Variants in ALMS1 observed in about 807,000 individuals in gnomAD.
The protein encoded by ALMS1 is ALMS1 centrosome and basal body associated protein.
In ALMS1, 271 loss-of-function variants were observed where a neutral mutation model predicts 352.2. The observed-to-expected ratio is 0.77, with a 90% CI of 0.70 to 0.85. The LOEUF is 0.85. Among genes scored for constraint, ALMS1 ranks in the 40% least tolerant of loss-of-function variants. The pLI, the probability that ALMS1 is intolerant of heterozygous loss-of-function variation, is 0.00. For synonymous variants in ALMS1, 1,865 were observed against 1,761.2 expected (o/e 1.06, Z -1.48); for missense variants, 5,445 against 4,870.7 (o/e 1.12, Z -3.51).
chr2:73,526,413 A>G (rs1673791941), intron 11 of ALMS1, among the ~76,000 whole-genome samples: 1 of 152,084 alleles, frequency 6.6e-6, no homozygotes, highest in Admixed American at 6.5e-5. Context: ...TGATTCTTCT[A>G]ATTCATGAAC....
At chr2:73,434,171 C>T in intron 7 of ALMS1, among the ~76,000 whole-genome samples, 1 of 149,934 alleles carries the variant, frequency 6.7e-6, no homozygotes, top group Non-Finnish European at 1.5e-5. Flanking sequence ...TTAGTTTGTG[C>T]TTTTATTCTG....
At chr2:73,584,458 G>A (rs1257325433) in intron 16 of ALMS1, among the ~76,000 whole-genome samples, 1 of 152,110 alleles carries the variant, frequency 6.6e-6, no homozygotes. Flanking sequence ...ATGTTCAGGA[G>A]TGATCATCTT....
At chr2:73,447,243 T>A (rs1419399461) in intron 7 of ALMS1, among the ~76,000 whole-genome samples, 1 of 152,204 alleles carries the variant, frequency 6.6e-6, no homozygotes, top group African/African-American at 2.4e-5. Flanking sequence ...AGAACATTTC[T>A]ATAGAAATGT....
chr2:73,609,710 T>G lies in ALMS1; in HGVS notation c.*98T>G. ...GAGTCTGGTTGAATAAAGCTTATTC[T>G]TTGTCCATGTGTATTTTAGAAATAG... On this transcript the variant is annotated 3_prime_UTR_variant, in exon 23 of 23. Transcript: ENST00000613296. 8.4e-7 allele frequency: 1 copy of G among 1,185,526 alleles called. No individual in the cohort carries two copies. The highest frequency in any genetic ancestry group is 2.0e-4 in the Middle Eastern group (1 of 5,126). The allele number at this position is 1,185,526 out of a possible 1,614,324, so 73.4% of individuals were successfully genotyped here.
At chr2:73,447,907 G>A (rs1572931080) in intron 7 of ALMS1, 53 bp from the exon 8 acceptor site, 2 of 1,515,210 alleles carry the variant, frequency 1.3e-6, no homozygotes, top group East Asian at 5.0e-5. Flanking sequence ...CCAGCACATA[G>A]AATTTTAAAA....
Position 73,573,427 on chromosome 2 carries a change from A to G in ALMS1, c.11547+3A>G, listed in dbSNP as rs1271250182. The G allele has an allele frequency of 1.2e-6, 2 of 1,613,960 alleles. No individual in the cohort carries two copies. The highest frequency in any genetic ancestry group is 8.5e-7 in the Non-Finnish European group (1 of 1,179,956). ...ACACCAGAAGGAGACACATCCAGGTACATGGCTACAGATTCCATCTGGCAA... is the reference window on the plus strand; with the variant it reads ...ACACCAGAAGGAGACACATCCAGGTGCATGGCTACAGATTCCATCTGGCAA... On this transcript the variant is annotated splice_donor_region_variant and intron_variant, in intron 16 of 22. Coordinates refer to ENST00000613296, the MANE Select transcript of ALMS1 (RefSeq NM_001378454.1).
At chr2:73,556,336 A>G (rs1445226028) in intron 13 of ALMS1, among the ~76,000 whole-genome samples, 1 of 152,188 alleles carries the variant, frequency 6.6e-6, no homozygotes, top group Non-Finnish European at 1.5e-5. Context: ...AGCAATCTCT[A>G]TTGCCTTTCT....
intron 10 of ALMS1, among the ~76,000 whole-genome samples, chr2:73,498,891 T>G (rs1031000056): frequency 3.3e-5 from 5 of 152,198 alleles, no homozygotes; most frequent in Non-Finnish European, 7.4e-5. Flanking sequence ...GCATTGAAAC[T>G]GTAGATTGCT....
intron 15 of ALMS1, among the ~76,000 whole-genome samples, chr2:73,562,377 T>C (rs1390816295): frequency 6.6e-6 from 1 of 152,094 alleles, no homozygotes; most frequent in Admixed American, 6.6e-5. Flanking sequence ...GAAAATTTTG[T>C]ATATAGTGTT....
At chr2:73,477,146 T>C (rs1201847137) in intron 9 of ALMS1, among the ~76,000 whole-genome samples, 1 of 152,134 alleles carries the variant, frequency 6.6e-6, no homozygotes. Flanking sequence ...ACTTTTACTT[T>C]TGTTGCCTTT....
chr2:73,440,688 G>C (rs902068964), intron 7 of ALMS1, among the ~76,000 whole-genome samples: 1 of 152,142 alleles, frequency 6.6e-6, no homozygotes, highest in Non-Finnish European at 1.5e-5. Context: ...GCCTCCCAAA[G>C]TGCTGGGATT....
chr2:73,411,284 C>T (rs944174338), intron 2 of ALMS1, among the ~76,000 whole-genome samples: 1 of 151,998 alleles, frequency 6.6e-6, no homozygotes, highest in Non-Finnish European at 1.5e-5. Flanking sequence ...ATGCCTGGGG[C>T]TTCCAGAAGG....
intron 9 of ALMS1, among the ~76,000 whole-genome samples, chr2:73,482,335 T>C (rs1368987424): frequency 2.0e-5 from 3 of 152,194 alleles, no homozygotes; most frequent in Non-Finnish European, 4.4e-5. Context: ...ATTGAGAAAA[T>C]CATGTGGTTT....
chr2:73,572,473 T>A lies in ALMS1; in HGVS notation c.10596T>A (p.Tyr3532Ter). Residue 3532 changes from tyrosine (Y) to a stop codon, truncating the protein, a stop_gained, in exon 16 of 23, where the codon TAT (tyrosine) becomes TAA (stop). Coordinates refer to ENST00000613296, the MANE Select transcript of ALMS1 (RefSeq NM_001378454.1). LOFTEE classifies it high-confidence loss of function. ...AACACATGTGTCTTCCTCTTCCTTA[T>A]CAAAACATGGACAAGACTAAGACAG... ...HREHMCLPLP[Y>*]QNMDKTKTDY... 1 of 1,613,920 alleles carries A rather than the reference T, an allele frequency of 6.2e-7. No individual in the cohort carries two copies. The highest frequency in any genetic ancestry group is 1.3e-5 in the African/African-American group (1 of 75,008).
chr2:73,546,384 G>T (rs995353827), intron 12 of ALMS1, among the ~76,000 whole-genome samples: 1 of 152,102 alleles, frequency 6.6e-6, no homozygotes, highest in South Asian at 2.1e-4. Context: ...ATGGGAAGCT[G>T]TCAGCTCACG....
At position 73,419,284 on chromosome 2, in the gene ALMS1, A is replaced by T. The variant is rs778840248; in HGVS notation, c.612A>T (p.Glu204Asp). Residue 204 changes from glutamate to aspartate, a missense_variant, in exon 3 of 23, where the codon GAA (glutamate) becomes GAT (aspartate). Physicochemically the swap from Glu to Asp is conservative, Grantham distance 45. Coordinates refer to ENST00000613296, the MANE Select transcript of ALMS1 (RefSeq NM_001378454.1). ...CGCAATCAGAAAATCAAGTAAAGGA[A>T]CCCAACAGAGATCTCTTCTGTTCTC... Reference protein sequence around the residue: ...ILTQSENQVKEPNRDLFCSPL... With the variant: ...ILTQSENQVKDPNRDLFCSPL... The T allele has an allele frequency of 6.2e-7, 1 of 1,613,946 alleles. No individual in the cohort carries two copies. Among genetic ancestry groups the T allele is most frequent in the African/African-American group, 1.3e-5 (1 of 74,920 alleles).
At chr2:73,539,352 A>G (rs926946286) in intron 12 of ALMS1, among the ~76,000 whole-genome samples, 1 of 152,200 alleles carries the variant, frequency 6.6e-6, no homozygotes, top group Admixed American at 6.5e-5. Context: ...CAGAAAGGAC[A>G]TCCACACCAA....
At chr2:73,458,190 T>C (rs1384642903) in intron 9 of ALMS1, 1 of 152,152 alleles carries the variant, frequency 6.6e-6, no homozygotes, top group Non-Finnish European at 1.5e-5. Context: ...CGAAATAGTG[T>C]TTGTCTAGAT....
At chr2:73,494,964 A>T (rs1053227128) in intron 10 of ALMS1, among the ~76,000 whole-genome samples, 3 of 150,690 alleles carry the variant, frequency 2.0e-5, no homozygotes, top group Non-Finnish European at 4.4e-5. Context: ...TATGTCTGTC[A>T]TCTCTTTTAC....
Sources: allele counts gnomAD v4.1 joint callset (sites outside exome capture counted in the v4.1 genomes callset), GRCh38; gene constraint gnomAD v4.1.1; transcripts MANE v1.5; gene names NCBI Gene and HGNC (gene_info 2026-07-23, HGNC 2026-07-21).